Variants in HECW1 observed in about 807,000 individuals in gnomAD.
HECW1 encodes the protein HECT, C2 and WW domain containing E3 ubiquitin protein ligase 1, also known as E3 ubiquitin-protein ligase HECW1.
Under a neutral mutation model 182.3 loss-of-function variants are expected in HECW1, and 61 were observed. The observed-to-expected ratio is 0.33, with a 90% confidence interval of 0.27 to 0.41. The LOEUF (loss-of-function observed/expected upper bound fraction) is 0.41. Among genes scored for constraint, HECW1 ranks in the 10% least tolerant of loss-of-function variants. The pLI is 1.00. For synonymous variants in HECW1, 859 were observed against 832.6 expected (o/e 1.03, Z -0.55); for missense variants, 1,739 against 2,108.9 (o/e 0.82, Z 3.44).
intron 24 of HECW1, among the ~76,000 whole-genome samples, chr7:43,515,324 C>A (rs1370317347): frequency 6.6e-6 from 1 of 151,966 alleles, no homozygotes; most frequent in Non-Finnish European, 1.5e-5. Flanking sequence ...AAAGGAAGAG[C>A]CTGATCAGAT....
intron 2 of HECW1, among the ~76,000 whole-genome samples, chr7:43,190,074 G>C (rs552941000): frequency 6.7e-6 from 1 of 149,376 alleles, no homozygotes; most frequent in East Asian, 1.9e-4. Context: ...CCTGGTCACA[G>C]CTGTGGAAAT....
At chr7:43,417,613 A>G (rs1479446731) in intron 8 of HECW1, among the ~76,000 whole-genome samples, 1 of 152,148 alleles carries the variant, frequency 6.6e-6, no homozygotes, top group Non-Finnish European at 1.5e-5. Flanking sequence ...CTACAATCCC[A>G]GCTACTCGGG....
intron 8 of HECW1, among the ~76,000 whole-genome samples, chr7:43,424,936 A>C (rs1226804875): frequency 6.6e-6 from 1 of 152,178 alleles, no homozygotes; most frequent in African/African-American, 2.4e-5. Context: ...TTATTAACGC[A>C]TCCATCCTTG....
chr7:43,417,682 C>A (rs1562954319), intron 8 of HECW1, among the ~76,000 whole-genome samples: 3 of 152,046 alleles, frequency 2.0e-5, no homozygotes, highest in Admixed American at 6.6e-5. Context: ...GGCAACATAG[C>A]AAGACCCCAT....
chr7:43,165,189 A>G (rs1790971442), intron 2 of HECW1, among the ~76,000 whole-genome samples: 1 of 152,248 alleles, frequency 6.6e-6, no homozygotes, highest in Admixed American at 6.5e-5. Context: ...AAGTATTATT[A>G]CAGTGCACTG....
At chr7:43,182,389 G>A (rs1460586879) in intron 2 of HECW1, among the ~76,000 whole-genome samples, 18 of 152,160 alleles carry the variant, frequency 1.2e-4, no homozygotes, top group African/African-American at 3.6e-4. Context: ...AGTTTTCCCA[G>A]CCCCATTTAC....
intron 17 of HECW1, among the ~76,000 whole-genome samples, chr7:43,480,839 C>G (rs147570865): frequency 1.2e-3 from 189 of 152,198 alleles, no homozygotes; most frequent in African/African-American, 4.2e-3. Flanking sequence ...GCCACCTCCT[C>G]CAGATAGCAA....
intron 4 of HECW1, among the ~76,000 whole-genome samples, chr7:43,320,329 G>A (rs1460794021): frequency 6.6e-6 from 1 of 152,210 alleles, no homozygotes; most frequent in Non-Finnish European, 1.5e-5. Flanking sequence ...ACATAGAAAA[G>A]CTATTTAAAA....
At chr7:43,393,845 T>C (rs2075130818) in intron 6 of HECW1, among the ~76,000 whole-genome samples, 1 of 152,206 alleles carries the variant, frequency 6.6e-6, no homozygotes, top group Admixed American at 6.5e-5. Flanking sequence ...CATTGCATGT[T>C]TGAGCTCATT....
chr7:43,297,807 C>T (rs576252834), intron 3 of HECW1, among the ~76,000 whole-genome samples: 3 of 152,198 alleles, frequency 2.0e-5, no homozygotes, highest in Non-Finnish European at 4.4e-5. Flanking sequence ...CATGGTGGCT[C>T]ACGCCTATAC....
At chr7:43,122,256 A>C (rs1379823325) in intron 2 of HECW1, among the ~76,000 whole-genome samples, 2 of 152,130 alleles carry the variant, frequency 1.3e-5, no homozygotes, top group African/African-American at 4.8e-5. Flanking sequence ...CTGCAGCGTG[A>C]ATCCTGTCTT....
chr7:43,360,360 G>A (rs895341679), intron 5 of HECW1, among the ~76,000 whole-genome samples: 25 of 151,948 alleles, frequency 1.6e-4, no homozygotes, highest in African/African-American at 2.4e-4. Flanking sequence ...CTACAGATGC[G>A]TGCTACCACT....
In HECW1 at chr7:43,507,165, T is replaced by A. The variant is rs1411810843; in HGVS notation, c.3660T>A (p.Pro1220=). 1.2e-6 allele frequency: 2 copies of A among 1,613,952 alleles called. No homozygotes were observed. The highest frequency in any genetic ancestry group is 1.7e-6 in the Non-Finnish European group (2 of 1,179,850). ...PGLQRASARA[P]SPYRRDFEAK... ...TACAGAGAGCCAGTGCAAGAGCCCC[T>A]TCCCCCTACCGAAGAGACTTTGAGG... The change falls in exon 22 of 30, where the codon CCT becomes CCA. Residue 1220 remains proline (P), a synonymous_variant. Coordinates refer to ENST00000395891, the MANE Select transcript of HECW1 (RefSeq NM_015052.5).
intron 24 of HECW1, among the ~76,000 whole-genome samples, chr7:43,534,341 A>C (rs2081097418): frequency 6.6e-6 from 1 of 152,170 alleles, no homozygotes; most frequent in South Asian, 2.1e-4. Flanking sequence ...CGTTTAAATA[A>C]TCTGTTGAAA....
At chr7:43,155,607 G>C (rs1015870680) in intron 2 of HECW1, among the ~76,000 whole-genome samples, 6 of 152,182 alleles carry the variant, frequency 3.9e-5, no homozygotes, top group Non-Finnish European at 7.3e-5. Context: ...AACACAGGGA[G>C]GTTGATTTAA....
chr7:43,246,581 C>T (rs1799400146), intron 3 of HECW1, among the ~76,000 whole-genome samples: 1 of 152,186 alleles, frequency 6.6e-6, no homozygotes, highest in African/African-American at 2.4e-5. Flanking sequence ...CTGACGGGAA[C>T]TAAGCCTTTC....
rs1193837504 is a variant in HECW1 at position 43,563,842 on chromosome 7, C to G, written c.*1916C>G. On this transcript the variant is annotated 3_prime_UTR_variant, in exon 30 of 30. Transcript: ENST00000395891. The stretch of plus-strand genomic sequence containing the variant: ...CAAGACTGTGCCACTGCACTCCAGC[C>G]TGGATGATCAAGGGAGACACCATCT... The G allele has an allele frequency of 1.1e-5, 2 of 179,882 alleles. No individual in the cohort carries two copies. The highest frequency in any genetic ancestry group is 2.4e-5 in the Non-Finnish European group (2 of 84,238). The allele number at this position is 179,882 out of a possible 1,614,324, so 11.1% of individuals were successfully genotyped here. A position where few individuals can be genotyped will look rare whatever the true frequency, so the allele number is the denominator to read the frequency against.
intron 2 of HECW1, among the ~76,000 whole-genome samples, chr7:43,152,366 A>C (rs1295176654): frequency 6.6e-6 from 1 of 152,244 alleles, no homozygotes; most frequent in Non-Finnish European, 1.5e-5. Context: ...TTGGGAATAC[A>C]ACTGTGAACA....
At chr7:43,234,481 G>T (rs1212521117) in intron 2 of HECW1, among the ~76,000 whole-genome samples, 1 of 151,180 alleles carries the variant, frequency 6.6e-6, no homozygotes, top group Non-Finnish European at 1.5e-5. Context: ...GGCCACACTG[G>T]CCTCTGCAGA....
Sources: gnomAD v4.1 joint callset for allele counts (sites outside exome capture counted in the v4.1 genomes callset) on GRCh38, gnomAD v4.1.1 for gene constraint, MANE v1.5 for transcripts, NCBI Gene and HGNC (gene_info 2026-07-23, HGNC 2026-07-21) for gene names.